The following GBE1 variants were observed in gnomAD, a reference collection of about 807,000 sequenced individuals.
GBE1 encodes 1,4-alpha-glucan-branching enzyme.
GBE1 carries 70 observed loss-of-function variants against 88.8 expected under a neutral mutation model. That is an observed-to-expected ratio of 0.79 (90% CI 0.65 to 0.96). The LOEUF (loss-of-function observed/expected upper bound fraction) is 0.96, where lower values mean the gene tolerates loss of function less well. Ranked by LOEUF, GBE1 falls within the 40% of genes least tolerant of loss-of-function variation. GBE1 has a pLI of 0.00. For missense variants in GBE1, 872 were observed against 871.0 expected (o/e 1.00, Z -0.01); for synonymous variants, 284 against 300.1 (o/e 0.95, Z 0.56).
chr3:81,553,332 A>G (rs1356086386), intron 12 of GBE1, among the ~76,000 whole-genome samples: 2 of 147,142 alleles, frequency 1.4e-5, no homozygotes, highest in Middle Eastern at 3.2e-3. Context: ...GCACTTGGAT[A>G]TATATTTTTT....
intron 3 of GBE1, among the ~76,000 whole-genome samples, chr3:81,651,487 G>A (rs947487055): frequency 3.3e-5 from 5 of 151,866 alleles, no homozygotes; most frequent in Admixed American, 6.6e-5. Flanking sequence ...GCTAATCATC[G>A]CCAGGTGTTG....
At chr3:81,722,264 A>C (rs1706044610) in intron 1 of GBE1, among the ~76,000 whole-genome samples, 1 of 152,162 alleles carries the variant, frequency 6.6e-6, no homozygotes, top group Non-Finnish European at 1.5e-5. Context: ...TTAGTGACAT[A>C]AAAAGATGTT....
intron 9 of GBE1, among the ~76,000 whole-genome samples, chr3:81,589,268 CTT>C (rs1025020751): frequency 9.2e-5 from 14 of 151,502 alleles, no homozygotes; most frequent in South Asian, 4.2e-4. Context: ...GGTAGATAAA[CTT>C]GAGCAAAATA....
intron 1 of GBE1, among the ~76,000 whole-genome samples, chr3:81,758,642 C>T (rs1706636179): frequency 1.3e-5 from 2 of 152,088 alleles, no homozygotes; most frequent in South Asian, 2.1e-4. Context: ...AGTGTAACAA[C>T]AAGTAAATAA....
chr3:81,700,755 C>T (rs185726138), intron 2 of GBE1, among the ~76,000 whole-genome samples: 8 of 152,194 alleles, frequency 5.3e-5, no homozygotes, highest in African/African-American at 1.9e-4. Context: ...TGCTATCTTT[C>T]CCACTCTGCA....
chr3:81,607,217 A>C (rs1008452393), intron 7 of GBE1, among the ~76,000 whole-genome samples: 1 of 152,142 alleles, frequency 6.6e-6, no homozygotes, highest in Non-Finnish European at 1.5e-5. Flanking sequence ...AAAATGGGGG[A>C]AAAACTATTG....
In GBE1 at chr3:81,612,333, A is replaced by G. The variant is rs144107974; in HGVS notation, c.993-18310T>C. ...TAATGTTTCGTCAAATCCATTCCAG[A>G]TTTCCATTTGATTTCGGTGGACTTT... is the stretch of plus-strand genomic sequence containing the variant. On this transcript the variant is annotated intron_variant, in intron 7 of 15. Coordinates refer to ENST00000429644, the MANE Select transcript of GBE1 (RefSeq NM_000158.4). 120 of 849,908 alleles carry G rather than the reference A, an allele frequency of 1.4e-4. No homozygotes were observed. The East Asian group carries it at 4.3e-3, about 30-fold the overall frequency. The allele number at this position is 849,908 out of a possible 1,614,324, so 52.6% of individuals were successfully genotyped here. A position where few individuals can be genotyped will look rare whatever the true frequency, so the allele number is the denominator to read the frequency against.
chr3:81,619,052 A>T (rs1704288565), intron 7 of GBE1, among the ~76,000 whole-genome samples: 1 of 152,148 alleles, frequency 6.6e-6, no homozygotes. Flanking sequence ...TTTGTCATCT[A>T]TTGCAAGGAA....
intron 8 of GBE1, among the ~76,000 whole-genome samples, chr3:81,592,535 G>A (rs573891773): frequency 1.1e-4 from 16 of 151,906 alleles, no homozygotes; most frequent in Non-Finnish European, 2.2e-4. Context: ...AACTTTTCTG[G>A]TATTCTATTT....
intron 12 of GBE1, among the ~76,000 whole-genome samples, chr3:81,551,629 G>A (rs1703272667): frequency 6.6e-6 from 1 of 152,118 alleles, no homozygotes; most frequent in Admixed American, 6.5e-5. Flanking sequence ...CCTTCAAGTT[G>A]TCCTGCTGCT....
In GBE1 at chr3:81,726,694, G is replaced by T. The variant is rs55850416; in HGVS notation, c.144-21081C>A. Among the ~76,000 whole-genome samples the T allele has an allele frequency of 5.0e-3, 761 of 150,942 alleles. 2 individuals carry two copies. The highest frequency in any genetic ancestry group is 0.018 in the African/African-American group (730 of 41,022). On this transcript the variant is annotated intron_variant, in intron 1 of 15. Coordinates refer to ENST00000429644, the MANE Select transcript of GBE1 (RefSeq NM_000158.4). ...CCTCCCAGGTTCAAGCTATTCTCCT[G>T]CCTCAGCCTCCCAAGTGGCTGGGAC...
Position 81,761,359 on chromosome 3 carries a change from G to A in GBE1, c.143+16C>T, listed in dbSNP as rs1256259896. 11 of 1,600,074 alleles carry A rather than the reference G, an allele frequency of 6.9e-6. No homozygotes were observed. Among genetic ancestry groups the A allele is most frequent in the African/African-American group, 2.7e-5 (2 of 73,846 alleles). ...GGCTGCCTGTCTAAGTGGGGGTGGT[G>A]GGATTCCGGCGGTACCTGCGCTGGA... On this transcript the variant is annotated intron_variant, in intron 1 of 15. Transcript: ENST00000429644.
intron 1 of GBE1, among the ~76,000 whole-genome samples, chr3:81,721,164 C>A (rs1706021901): frequency 9.8e-6 from 1 of 102,046 alleles, no homozygotes; most frequent in African/African-American, 4.2e-5. Flanking sequence ...AACTAACCTG[C>A]ACAATGTGCA....
At chr3:81,696,686 TA>T (rs1336884056) in intron 2 of GBE1, among the ~76,000 whole-genome samples, 18 of 152,120 alleles carry the variant, frequency 1.2e-4, no homozygotes, top group African/African-American at 4.1e-4. Flanking sequence ...AGAACAACCA[TA>T]AACAAGATAA....
intron 14 of GBE1, among the ~76,000 whole-genome samples, chr3:81,509,872 A>G (rs1272878527): frequency 6.6e-6 from 1 of 151,984 alleles, no homozygotes; most frequent in African/African-American, 2.4e-5. Flanking sequence ...CATATTCTTT[A>G]TAAATTTATA....
chr3:81,509,685 T>C (rs1702700183), intron 14 of GBE1: 1 of 151,916 alleles, frequency 6.6e-6, no homozygotes, highest in South Asian at 2.1e-4. Flanking sequence ...TTTTAATCTA[T>C]GCATGTTTTT....
At chr3:81,717,111 T>C (rs1345505593) in intron 1 of GBE1, among the ~76,000 whole-genome samples, 3 of 152,234 alleles carry the variant, frequency 2.0e-5, no homozygotes, top group Non-Finnish European at 4.4e-5. Flanking sequence ...AAAAGGGCAA[T>C]GCTGTAACTG....
At chr3:81,757,847 T>C (rs1706624664) in intron 1 of GBE1, among the ~76,000 whole-genome samples, 1 of 152,098 alleles carries the variant, frequency 6.6e-6, no homozygotes, top group Non-Finnish European at 1.5e-5. Context: ...CCTCAGTAGA[T>C]AGATGGAATC....
chr3:81,600,306 A>C (rs1362139959), intron 7 of GBE1, among the ~76,000 whole-genome samples: 1 of 152,150 alleles, frequency 6.6e-6, no homozygotes, highest in Non-Finnish European at 1.5e-5. Context: ...ATAAGCTATT[A>C]TAATAATTTT....
Sources: gnomAD v4.1 joint callset for allele counts (sites outside exome capture counted in the v4.1 genomes callset) on GRCh38, gnomAD v4.1.1 for gene constraint, MANE v1.5 for transcripts, NCBI Gene and HGNC (gene_info 2026-07-23, HGNC 2026-07-21) for gene names.